Variants in CA10 observed in about 807,000 individuals in gnomAD.
The protein encoded by CA10 is carbonic anhydrase 10 (inactive).
Under a neutral mutation model 44.2 loss-of-function variants are expected in CA10, and 14 were observed. The ratio of observed to expected loss-of-function variants is 0.32; its 90% CI spans 0.21 to 0.50. CA10 has a LOEUF of 0.50. Ranked by LOEUF, CA10 falls within the 20% of genes least tolerant of loss-of-function variation. The pLI, the probability that CA10 is intolerant of heterozygous loss-of-function variation, is 0.99. For missense variants in CA10, 350 were observed against 409.7 expected (o/e 0.85, Z 1.26); for synonymous variants, 159 against 141.6 (o/e 1.12, Z -0.87).
chr17:51,716,300 G>C (rs1916112546), intron 4 of CA10, among the ~76,000 whole-genome samples: 1 of 152,028 alleles, frequency 6.6e-6, no homozygotes, highest in Admixed American at 6.6e-5. Context: ...AGGGGAATTG[G>C]GTTGGGATGG....
chr17:51,693,734 G>A (rs1461046456), intron 4 of CA10, among the ~76,000 whole-genome samples: 1 of 151,854 alleles, frequency 6.6e-6, no homozygotes, highest in Non-Finnish European at 1.5e-5. Flanking sequence ...TTCTTTATTT[G>A]ATTCACTGCT....
chr17:51,990,825 T>G (rs1375865057), intron 2 of CA10, among the ~76,000 whole-genome samples: 2 of 152,084 alleles, frequency 1.3e-5, no homozygotes, highest in Non-Finnish European at 2.9e-5. Flanking sequence ...GATGCACGCT[T>G]TGGCTGTCAA....
intron 2 of CA10, among the ~76,000 whole-genome samples, chr17:51,955,309 C>G (rs1317367984): frequency 6.6e-6 from 1 of 152,114 alleles, no homozygotes; most frequent in Admixed American, 6.6e-5. Context: ...GAATGCTAAA[C>G]AGGTTGGACT....
chr17:52,018,379 G>A (rs1297553651), intron 2 of CA10, among the ~76,000 whole-genome samples: 1 of 152,126 alleles, frequency 6.6e-6, no homozygotes, highest in Non-Finnish European at 1.5e-5. Flanking sequence ...CATAGGGACA[G>A]GCCAGCCCAA....
intron 3 of CA10, among the ~76,000 whole-genome samples, chr17:51,754,984 T>C (rs1229784605): frequency 2.0e-5 from 3 of 151,990 alleles, no homozygotes; most frequent in Non-Finnish European, 4.4e-5. Context: ...CACATATGTA[T>C]ATTATATATG....
chr17:51,717,414 G>A (rs1466824957), intron 4 of CA10, among the ~76,000 whole-genome samples: 3 of 151,312 alleles, frequency 2.0e-5, no homozygotes, highest in Admixed American at 6.6e-5. Context: ...AGGAAAAGAA[G>A]TCGTTATTCG....
At chr17:51,678,053 T>G (rs1044137037) in intron 4 of CA10, among the ~76,000 whole-genome samples, 8 of 152,178 alleles carry the variant, frequency 5.3e-5, no homozygotes, top group African/African-American at 1.9e-4. Flanking sequence ...AATATTATCC[T>G]GCCATGAAAA....
chr17:51,671,416 T>C (rs186222331), intron 4 of CA10, among the ~76,000 whole-genome samples: 1,638 of 152,240 alleles, frequency 0.011, 36 homozygotes, highest in African/African-American at 0.037. Context: ...TTTTTGTTTT[T>C]GTTTTTGAGA....
intron 3 of CA10, among the ~76,000 whole-genome samples, chr17:51,782,413 A>G (rs1056618278): frequency 1.3e-5 from 2 of 152,208 alleles, no homozygotes; most frequent in African/African-American, 4.8e-5. Context: ...CAGGTTTGAT[A>G]CTAGGGATCT....
At chr17:51,848,772 C>T (rs1978611815) in intron 3 of CA10, among the ~76,000 whole-genome samples, 1 of 152,108 alleles carries the variant, frequency 6.6e-6, no homozygotes, top group South Asian at 2.1e-4. Context: ...GTGGGCAGGG[C>T]ATGGTGGCTC....
chr17:52,033,048 A>G (rs1006247186), intron 2 of CA10, among the ~76,000 whole-genome samples: 3 of 152,232 alleles, frequency 2.0e-5, no homozygotes, highest in Non-Finnish European at 4.4e-5. Flanking sequence ...AATGACTCCA[A>G]CTACAACATG....
intron 4 of CA10, among the ~76,000 whole-genome samples, chr17:51,695,156 T>C (rs372223690): frequency 7.9e-5 from 12 of 152,200 alleles, no homozygotes; most frequent in African/African-American, 2.4e-4. Flanking sequence ...TTTGGTTCCA[T>C]ATGAATTTTA....
At chr17:52,019,810 G>T (rs953722298) in intron 2 of CA10, among the ~76,000 whole-genome samples, 1 of 151,734 alleles carries the variant, frequency 6.6e-6, no homozygotes, top group African/African-American at 2.4e-5. Flanking sequence ...TTAGAAATAC[G>T]TTGCCTAATT....
intron 2 of CA10, among the ~76,000 whole-genome samples, chr17:52,058,802 C>T (rs1368240133): frequency 6.6e-6 from 1 of 152,156 alleles, no homozygotes; most frequent in Non-Finnish European, 1.5e-5. Context: ...AGCCAATCCA[C>T]ATGTGTGGAT....
Position 52,158,505 on chromosome 17 carries a change from C to T in CA10, c.-719G>A, listed in dbSNP as rs114208613. 2,428 of 155,174 alleles carry T rather than the reference C, an allele frequency of 0.016. 59 individuals carry two copies. The highest frequency in any genetic ancestry group is 0.055 in the African/African-American group (2,281 of 41,574). 9.6% of individuals were successfully genotyped at this position (155,174 alleles called of 1,614,324 possible). ...GCTCCCCAGGTCCGCGCGCAGCCTGCAGCCTCTCAGCCGGGTTCCGGCAGT... is the reference window on the plus strand; with the variant it reads ...GCTCCCCAGGTCCGCGCGCAGCCTGTAGCCTCTCAGCCGGGTTCCGGCAGT... On this transcript the variant is annotated 5_prime_UTR_variant, in exon 1 of 9. Coordinates refer to ENST00000451037, the MANE Select transcript of CA10 (RefSeq NM_020178.5).
intron 3 of CA10, among the ~76,000 whole-genome samples, chr17:51,884,714 G>A (rs937511104): frequency 1.3e-5 from 2 of 152,160 alleles, no homozygotes; most frequent in Non-Finnish European, 2.9e-5. Context: ...GGGAGGCTTA[G>A]CACGACAGAA....
intron 3 of CA10, among the ~76,000 whole-genome samples, chr17:51,910,462 G>A (rs1361358401): frequency 2.0e-5 from 3 of 152,036 alleles, no homozygotes; most frequent in Admixed American, 1.3e-4. Context: ...ATGGCTTACA[G>A]GATAAGAAAA....
At chr17:51,831,693 G>GCAGCATCAGCAT (rs968557824) in intron 3 of CA10, among the ~76,000 whole-genome samples, 2 of 80,958 alleles carry the variant, frequency 2.5e-5, no homozygotes, top group African/African-American at 7.5e-5. Context: ...AGCAGCAGCA[G>GCAGCATCAGCAT]CAGCAGCAGC....
intron 1 of CA10, among the ~76,000 whole-genome samples, chr17:52,108,143 C>T (rs1303914795): frequency 7.1e-6 from 1 of 141,682 alleles, no homozygotes; most frequent in Non-Finnish European, 1.5e-5. Flanking sequence ...TTTTAAAAAT[C>T]AATATTAGGT....
Sources: gnomAD v4.1 joint callset for allele counts (sites outside exome capture counted in the v4.1 genomes callset) on GRCh38, gnomAD v4.1.1 for gene constraint, MANE v1.5 for transcripts, NCBI Gene and HGNC (gene_info 2026-07-23, HGNC 2026-07-21) for gene names.